Variants in PLCB3 observed in about 807,000 individuals in gnomAD.
The protein encoded by PLCB3 is 1-phosphatidylinositol 4,5-bisphosphate phosphodiesterase beta-3.
Under a neutral mutation model 152.1 loss-of-function variants are expected in PLCB3, and 54 were observed. The ratio of observed to expected loss-of-function variants is 0.36; its 90% CI spans 0.29 to 0.45. PLCB3 has a LOEUF of 0.45. Ranked by LOEUF, PLCB3 falls within the 20% of genes least tolerant of loss-of-function variation. PLCB3 has a pLI of 1.00. For synonymous variants in PLCB3, 717 were observed against 698.7 expected (o/e 1.03, Z -0.41); for missense variants, 1,248 against 1,687.5 (o/e 0.74, Z 4.56).
rs745354348 is a variant in PLCB3 at position 64,260,091 on chromosome 11, C to G, written c.1588C>G (p.Pro530Ala). The change falls in exon 14 of 31, where the codon CCC (proline) becomes GCC (alanine). Residue 530 changes from proline (P) to alanine (A), a missense_variant. Transcript: ENST00000279230. ...TGGGGAGGAGGTAGGGCTTGAGAAG[C>G]CCAGCCTGGAGCCTCAGAAGTCTCT... ...SNGEEVGLEK[P>A]SLEPQKSLGD... The G allele has an allele frequency of 6.2e-7, 1 of 1,612,112 alleles. No homozygotes were observed. The highest frequency in any genetic ancestry group is 1.3e-5 in the African/African-American group (1 of 74,900).
rs1181075690 is a variant in PLCB3 at position 64,267,480 on chromosome 11, A to G, written c.3629A>G (p.Asn1210Ser). ...GGGCCTCTGGTGGCCTGTGCCAGCAACGGTCACGCACCCGGGAGCAGCGGG... is the reference window on the plus strand; with the variant it reads ...GGGCCTCTGGTGGCCTGTGCCAGCAGCGGTCACGCACCCGGGAGCAGCGGG... ...GDGPLVACAS[N>S]GHAPGSSGHL... Residue 1210 changes from asparagine to serine, a missense_variant, in exon 31 of 31, where the codon AAC (asparagine) becomes AGC (serine). Physicochemically the swap from Asn to Ser is conservative, Grantham distance 46. Around this residue, in one of 6 missense-constraint regions of PLCB3, gnomAD observed 477 missense variants for 489.6 expected, o/e 0.97. Transcript: ENST00000279230. The surrounding 1 kb of genome is among the most constrained non-coding windows in gnomAD (Gnocchi z 5.2). 4 of 1,566,208 alleles carry G rather than the reference A, an allele frequency of 2.6e-6. No homozygotes were observed. The highest frequency in any genetic ancestry group is 3.4e-6 in the Non-Finnish European group (4 of 1,160,020).
At chr11:64,261,119 A>G (rs1302374961) in intron 14 of PLCB3, among the ~76,000 whole-genome samples, 3 of 152,070 alleles carry the variant, frequency 2.0e-5, no homozygotes, top group African/African-American at 7.2e-5. Flanking sequence ...AGCCTGGCCA[A>G]CATGGTGAAA....
chr11:64,256,384 A>AGG lies in PLCB3; in HGVS notation c.709_710dup (p.Lys238AlafsTer5), dbSNP rs1260907924. ...CTTCCTGTCCCCTCCAGAGGCGCCA[A>AGG]GGGCAAGCCATACCTGACGCTGGAG... On this transcript the variant is annotated frameshift_variant, in exon 9 of 31. Coordinates refer to ENST00000279230, the MANE Select transcript of PLCB3 (RefSeq NM_000932.5). LOFTEE classifies it high-confidence loss of function. 6.2e-7 allele frequency: 1 copy of AGG among 1,613,062 alleles called. No homozygotes were observed. Among genetic ancestry groups the AGG allele is most frequent in the Non-Finnish European group, 8.5e-7 (1 of 1,179,890 alleles).
intron 25 of PLCB3, among the ~76,000 whole-genome samples, 186 bp downstream of exon 25, chr11:64,265,688 G>C (rs1175281039): frequency 6.6e-6 from 1 of 152,210 alleles, no homozygotes; most frequent in Non-Finnish European, 1.5e-5. Context: ...CATCTCTTTT[G>C]AAGTCCATGA....
chr11:64,255,338 G>A lies in PLCB3; in HGVS notation c.467+25G>A, dbSNP rs773643958. 6 of 1,613,248 alleles carry A rather than the reference G, an allele frequency of 3.7e-6. No individual in the cohort carries two copies. In the Admixed American group the frequency reaches 1.0e-4, roughly 27 times the overall value. ...CGTGAGCCCCAGGCCACCCGAGGGG[G>A]AGCCGGGGGGTTCACGTGGCCGTTT... On this transcript the variant is annotated intron_variant, in intron 5 of 30. Transcript: ENST00000279230. This position sits in a 1 kb window ranked among gnomAD's most constrained non-coding sequence, Gnocchi z 6.8.
chr11:64,254,780 G>A lies in PLCB3; in HGVS notation c.210G>A (p.Arg70=), dbSNP rs765636381. ...EVDTLDISSI[R]DTRTGRYARL... ...ACACACTGGACATCAGTTCCATCAG[G>A]GACACACGGACAGGCCGGTACGCCC... The change falls in exon 3 of 31, where the codon AGG becomes AGA. Residue 70 remains arginine, a synonymous_variant. Coordinates refer to ENST00000279230, the MANE Select transcript of PLCB3 (RefSeq NM_000932.5). The A allele has an allele frequency of 9.9e-6, 16 of 1,613,442 alleles. No homozygotes were observed. In the South Asian group the frequency reaches 1.4e-4, roughly 14 times the overall value.
Position 64,260,140 on chromosome 11 carries a change from G to T in PLCB3, c.1637G>T (p.Gly546Val), listed in dbSNP as rs2031771775. 1 of 1,611,018 alleles carries T rather than the reference G, an allele frequency of 6.2e-7. No individual in the cohort carries two copies. Among genetic ancestry groups the T allele is most frequent in the Non-Finnish European group, 8.5e-7 (1 of 1,178,906 alleles). The change falls in exon 14 of 31, where the codon GGC becomes GTC. Residue 546 changes from glycine (G) to valine (V), a missense_variant. Coordinates refer to ENST00000279230, the MANE Select transcript of PLCB3 (RefSeq NM_000932.5). The part of the protein sequence containing the change: ...KSLGDEGLNR[G>V]PYVLGPADRE... The stretch of plus-strand genomic sequence containing the variant: ...CTGGGTGACGAGGGCCTGAACCGAG[G>T]CCCCTATGTTCTTGGACCTGCTGAC...
At position 64,265,517 on chromosome 11, in the gene PLCB3, C is replaced by T. The variant is rs368241206; in HGVS notation, c.3035+15C>T. The T allele has an allele frequency of 1.0e-5, 16 of 1,586,596 alleles. No individual in the cohort carries two copies. Among genetic ancestry groups the T allele is most frequent in the South Asian group, 5.6e-5 (5 of 89,546 alleles). ...CCAGGTGCCCTGTGAGTGTCTGGGC[C>T]GCCTGTGTGCTATGTGTGCTGGGTG... On this transcript the variant is annotated intron_variant, in intron 25 of 30. Transcript: ENST00000279230.
Position 64,255,869 on chromosome 11 carries a change from T to G in PLCB3, c.698+48T>G. 7.2e-7 allele frequency: 1 copy of G among 1,385,666 alleles called. No individual in the cohort carries two copies. The highest frequency in any genetic ancestry group is 1.0e-6 in the Non-Finnish European group (1 of 972,304). The allele number at this position is 1,385,666 out of a possible 1,614,324, so 85.8% of individuals were successfully genotyped here. A position where few individuals can be genotyped will look rare whatever the true frequency, so the allele number is the denominator to read the frequency against. ...ACAACCCCTGTGCTCTGTGTTTAGC[T>G]TCTGCTTAGCGTGCCTCTAGCTCAA... is the stretch of plus-strand genomic sequence containing the variant. On this transcript the variant is annotated intron_variant, in intron 8 of 30. Transcript: ENST00000279230. The surrounding 1 kb of genome is among the most constrained non-coding windows in gnomAD (Gnocchi z 6.8).
rs766860169 is a variant in PLCB3 at position 64,265,102 on chromosome 11, C to G, written c.2804C>G (p.Pro935Arg). ...CCTGCCAGCACCTCCCTCAGCAGCC[C>G]AGGTAAGGAGTGGCCTGGGTCGGGG... The part of the protein sequence containing the change: ...TSPASTSLSS[P>R]GQRDDLIASI... Residue 935 changes from proline to arginine, a missense_variant and splice_region_variant, in exon 23 of 31, where the codon CCA becomes CGA. Pro to Arg is a moderately radical substitution (Grantham distance 103). This residue lies in a region of PLCB3 where 477 missense variants were observed against 489.6 expected (regional missense o/e 0.97). Transcript: ENST00000279230. 6.4e-6 allele frequency: 10 copies of G among 1,553,120 alleles called. No individual in the cohort carries two copies. The highest frequency in any genetic ancestry group is 7.8e-6 in the Non-Finnish European group (9 of 1,147,692).
At chr11:64,262,342 C>T in intron 17 of PLCB3, 65 bp from the exon 18 acceptor site, 1 of 1,571,872 alleles carries the variant, frequency 6.4e-7, no homozygotes, top group Non-Finnish European at 8.7e-7. Flanking sequence ...GATGATCTCC[C>T]ATTCCCCACA....
chr11:64,264,172 C>T (rs2031997365), intron 22 of PLCB3, 60 bp downstream of exon 22: 1 of 1,137,124 alleles, frequency 8.8e-7, no homozygotes, highest in Admixed American at 2.5e-5. Context: ...CTGGACATGA[C>T]TGCTGTGGCC....
Position 64,254,934 on chromosome 11 carries a change from C to A in PLCB3, c.283C>A (p.Pro95Thr), listed in dbSNP as rs1320367191. ...KIREVLGFGG[P>T]DARLEEKLMT... ...CCGGGAAGTTCTGGGCTTTGGGGGTCCCGATGCCCGGCTGGAGGAGAAGCT... is the reference window on the plus strand; with the variant it reads ...CCGGGAAGTTCTGGGCTTTGGGGGTACCGATGCCCGGCTGGAGGAGAAGCT... The change falls in exon 4 of 31, where the codon CCC (proline) becomes ACC (threonine). Residue 95 changes from proline to threonine, a missense_variant. Pro to Thr is a conservative substitution (Grantham distance 38). Around this residue, in one of 6 missense-constraint regions of PLCB3, gnomAD observed 299 missense variants for 434.7 expected, o/e 0.69. Coordinates refer to ENST00000279230, the MANE Select transcript of PLCB3 (RefSeq NM_000932.5). 2.5e-6 allele frequency: 4 copies of A among 1,603,248 alleles called. No individual in the cohort carries two copies. Among genetic ancestry groups the A allele is most frequent in the Non-Finnish European group, 3.4e-6 (4 of 1,173,622 alleles).
At chr11:64,265,249 G>A (rs1309117258) in intron 24 of PLCB3, 22 bp downstream of exon 24, 2 of 1,594,506 alleles carry the variant, frequency 1.3e-6, no homozygotes, top group South Asian at 1.1e-5. Context: ...GGTACCTGGA[G>A]GCAGGGGGCT....
rs992648160 is a variant in PLCB3, at chr11:64,255,941, C to T, written c.698+120C>T. 105 of 757,572 alleles carry T rather than the reference C, an allele frequency of 1.4e-4. 1 individual carries two copies. Among genetic ancestry groups the T allele is most frequent in the South Asian group, 1.3e-3 (88 of 65,698 alleles). 46.9% of individuals were successfully genotyped at this position (757,572 alleles called of 1,614,324 possible). A position where few individuals can be genotyped will look rare whatever the true frequency, so the allele number is the denominator to read the frequency against. ...GGCCGGGTCCTGGAGCGCCAGGGGG[C>T]GGAGGGGTGCCCAGGGAGAACCTGT... On this transcript the variant is annotated intron_variant, in intron 8 of 30. Transcript: ENST00000279230. The surrounding 1 kb of genome is among the most constrained non-coding windows in gnomAD (Gnocchi z 6.8).
intron 1 of PLCB3, among the ~76,000 whole-genome samples, 175 bp downstream of exon 1, chr11:64,251,923 C>T (rs1184583040): frequency 1.3e-5 from 2 of 152,016 alleles, no homozygotes; most frequent in Non-Finnish European, 2.9e-5. Context: ...GACTTTGTCC[C>T]CCCAACTCCC....
chr11:64,252,638 G>A (rs1287892449), intron 1 of PLCB3, among the ~76,000 whole-genome samples: 1 of 152,194 alleles, frequency 6.6e-6, no homozygotes, highest in Admixed American at 6.5e-5. Context: ...GAGCTGGGGG[G>A]AGGAGATGGG....
Position 64,267,087 on chromosome 11 carries a change from C to G in PLCB3, c.3415-98C>G. The G allele has an allele frequency of 1.9e-6, 2 of 1,069,342 alleles. No homozygotes were observed. The highest frequency in any genetic ancestry group is 4.1e-5 in the Admixed American group (2 of 48,734). The allele number at this position is 1,069,342 out of a possible 1,614,324, so 66.2% of individuals were successfully genotyped here. A position where few individuals can be genotyped will look rare whatever the true frequency, so the allele number is the denominator to read the frequency against. On this transcript the variant is annotated intron_variant, in intron 29 of 30. Transcript: ENST00000279230. The surrounding 1 kb of genome is among the most constrained non-coding windows in gnomAD (Gnocchi z 5.2). ...GGGATTATAGATGTGAGCCACTGCA[C>G]CCGGCCTCGCCCACCTGACTTCTAT... is the stretch of plus-strand genomic sequence containing the variant.
intron 10 of PLCB3, among the ~76,000 whole-genome samples, chr11:64,257,514 G>A (rs1437701994): frequency 1.3e-5 from 2 of 152,006 alleles, no homozygotes; most frequent in Admixed American, 1.3e-4. Flanking sequence ...CTGCTTGGGA[G>A]GGTGAGGTGG....
Sources: allele counts gnomAD v4.1 joint callset (sites outside exome capture counted in the v4.1 genomes callset), GRCh38; gene constraint gnomAD v4.1.1; regional missense constraint gnomAD v4.1.1; non-coding constraint Gnocchi (gnomAD v3.1); transcripts MANE v1.5; gene names NCBI Gene and HGNC (gene_info 2026-07-23, HGNC 2026-07-21).